GPR158: variants seen among roughly 807,000 people sequenced by gnomAD.
The protein encoded by GPR158 is G protein-coupled receptor 158.
A neutral mutation model predicts 78.2 loss-of-function variants in GPR158; 30 were observed. The ratio of observed to expected loss-of-function variants is 0.38; its 90% CI spans 0.29 to 0.52. GPR158 has a LOEUF of 0.52. GPR158 is among the 20% of genes least tolerant of loss of function. The pLI is 0.83. For missense variants in GPR158, 1,463 were observed against 1,523.5 expected, an observed-to-expected ratio of 0.96 and a Z score of 0.66; for synonymous variants, 581 against 591.1, an observed-to-expected ratio of 0.98 and a Z score of 0.25.
intron 2 of GPR158, among the ~76,000 whole-genome samples, chr10:25,302,574 T>G (rs1254931114): frequency 1.3e-5 from 2 of 152,162 alleles, no homozygotes; most frequent in Non-Finnish European, 2.9e-5. Flanking sequence ...AACACACTTT[T>G]TCTATAAATA....
intron 2 of GPR158, among the ~76,000 whole-genome samples, chr10:25,352,542 T>C (rs1054381853): frequency 1.5e-5 from 2 of 129,692 alleles, no homozygotes; most frequent in African/African-American, 4.2e-5. Flanking sequence ...TGACTTTTGC[T>C]GATTGGTTAC....
chr10:25,180,815 C>T (rs2130627807), intron 1 of GPR158, among the ~76,000 whole-genome samples: 1 of 150,532 alleles, frequency 6.6e-6, no homozygotes, highest in East Asian at 2.0e-4. Context: ...GGGAGAGTCT[C>T]ATGCAGAGGA....
At chr10:25,426,968 A>G (rs1187593240) in intron 4 of GPR158, among the ~76,000 whole-genome samples, 1 of 74,282 alleles carries the variant, frequency 1.3e-5, no homozygotes, top group African/African-American at 4.0e-5. Flanking sequence ...ATTATTGCCA[A>G]TAATTCAAAT....
intron 6 of GPR158, among the ~76,000 whole-genome samples, chr10:25,563,107 C>CATTTGCTGCCTT (rs1554814049): frequency 6.6e-6 from 1 of 151,880 alleles, no homozygotes; most frequent in South Asian, 2.1e-4. Flanking sequence ...TTATTATTTA[C>CATTTGCTGCCTT]GTAAAATATC....
At chr10:25,190,594 G>A (rs1373129806) in intron 1 of GPR158, among the ~76,000 whole-genome samples, 2 of 152,142 alleles carry the variant, frequency 1.3e-5, no homozygotes. Flanking sequence ...GCCTCCCAAA[G>A]TGTTGGGATT....
chr10:25,315,826 G>T (rs1051459994), intron 2 of GPR158, among the ~76,000 whole-genome samples: 11 of 151,898 alleles, frequency 7.2e-5, no homozygotes, highest in Admixed American at 1.3e-4. Context: ...AATGCCTTTA[G>T]ACCCTGTTGT....
chr10:25,253,272 T>C (rs557977106), intron 2 of GPR158, among the ~76,000 whole-genome samples: 1 of 152,354 alleles, frequency 6.6e-6, no homozygotes, highest in South Asian at 2.1e-4. Flanking sequence ...ATCACCGGTC[T>C]TCTGCGTCGG....
chr10:25,596,883 T>C, intron 10 of GPR158, 94 bp downstream of exon 10: 3 of 975,422 alleles, frequency 3.1e-6, no homozygotes, highest in East Asian at 2.4e-5. Flanking sequence ...TGCATGCATG[T>C]ACACTCATGT....
intron 2 of GPR158, among the ~76,000 whole-genome samples, chr10:25,291,056 A>G (rs985842654): frequency 6.6e-6 from 1 of 152,108 alleles, no homozygotes; most frequent in South Asian, 2.1e-4. Flanking sequence ...CATATTTTTA[A>G]CATACTTGCA....
chr10:25,338,498 T>TA (rs1855253273), intron 2 of GPR158, among the ~76,000 whole-genome samples: 16 of 131,588 alleles, frequency 1.2e-4, no homozygotes, highest in Admixed American at 2.2e-4. Context: ...ATAATATACG[T>TA]ATATATATTA....
chr10:25,541,815 C>T (rs577962011), intron 5 of GPR158, among the ~76,000 whole-genome samples: 76 of 151,660 alleles, frequency 5.0e-4, no homozygotes, highest in Non-Finnish European at 9.3e-4. Flanking sequence ...GGAAAATTAT[C>T]GGCTTAATTC....
chr10:25,176,148 C>G lies in GPR158; in HGVS notation c.728C>G (p.Pro243Arg). ...CACCGCCGCGGCCCCAATCAGGGGC[C>G]CCGGGGCCTGGGCCACAGCTGGCGG... is the stretch of plus-strand genomic sequence containing the variant. Reference protein sequence around the residue: ...HLHRRGPNQGPRGLGHSWRRK... With the variant: ...HLHRRGPNQGRRGLGHSWRRK... Residue 243 changes from proline (P) to arginine (R), a missense_variant, in exon 1 of 11, where the codon CCC becomes CGC. By Grantham distance (103) the Pro-to-Arg change is moderately radical. Coordinates refer to ENST00000376351, the MANE Select transcript of GPR158 (RefSeq NM_020752.3). The surrounding 1 kb of genome is among the most constrained non-coding windows in gnomAD (Gnocchi z 6.3). The G allele has an allele frequency of 6.4e-7, 1 of 1,572,706 alleles. No homozygotes were observed. The highest frequency in any genetic ancestry group is 8.6e-7 in the Non-Finnish European group (1 of 1,160,490).
At chr10:25,455,593 T>C (rs1835280047) in intron 4 of GPR158, among the ~76,000 whole-genome samples, 1 of 152,300 alleles carries the variant, frequency 6.6e-6, no homozygotes, top group Admixed American at 6.5e-5. Flanking sequence ...AATTAAAACA[T>C]CCATCAGTTA....
intron 1 of GPR158, among the ~76,000 whole-genome samples, chr10:25,215,632 C>T (rs1240268885): frequency 6.6e-6 from 1 of 152,088 alleles, no homozygotes; most frequent in Non-Finnish European, 1.5e-5. Context: ...GTCAGGAGTT[C>T]AAGACCAGCC....
chr10:25,344,881 A>G (rs952534278), intron 2 of GPR158, among the ~76,000 whole-genome samples: 3 of 151,988 alleles, frequency 2.0e-5, no homozygotes, highest in Non-Finnish European at 4.4e-5. Context: ...TTTTCTGGTG[A>G]GGGCCTGCTT....
intron 5 of GPR158, among the ~76,000 whole-genome samples, chr10:25,488,985 T>C (rs1835769082): frequency 6.6e-6 from 1 of 152,120 alleles, no homozygotes; most frequent in African/African-American, 2.4e-5. Flanking sequence ...ACCCTTGCCA[T>C]GGGCTTTTTG....
chr10:25,511,259 C>T (rs1274677460), intron 5 of GPR158, among the ~76,000 whole-genome samples: 3 of 152,098 alleles, frequency 2.0e-5, no homozygotes, highest in Non-Finnish European at 4.4e-5. Context: ...AAAGTGGTAT[C>T]GCATTGTGGT....
chr10:25,426,766 A>C (rs751570735), intron 4 of GPR158, among the ~76,000 whole-genome samples: 2 of 150,996 alleles, frequency 1.3e-5, no homozygotes, highest in Non-Finnish European at 3.0e-5. Flanking sequence ...AAAATGTGAC[A>C]CAGAGACGAG....
intron 8 of GPR158, among the ~76,000 whole-genome samples, chr10:25,592,903 C>CAAAAA (rs113359370): frequency 2.7e-4 from 17 of 62,450 alleles, no homozygotes; most frequent in African/African-American, 6.2e-4. Flanking sequence ...TATTTCAATG[C>CAAAAA]AAAAAAAAAA....
Sources: allele counts gnomAD v4.1 joint callset (sites outside exome capture counted in the v4.1 genomes callset), GRCh38; gene constraint gnomAD v4.1.1; non-coding constraint Gnocchi (gnomAD v3.1); transcripts MANE v1.5; gene names NCBI Gene and HGNC (gene_info 2026-07-23, HGNC 2026-07-21).